Variants in GALNT13 observed in about 807,000 individuals in gnomAD.
GALNT13 encodes the protein UDP-GalNAc:polypeptide N-acetylgalactosaminyltransferase 13.
In GALNT13, 28 loss-of-function variants were observed where a neutral mutation model predicts 64.2. The ratio of observed to expected loss-of-function variants is 0.44; its 90% CI spans 0.32 to 0.60. GALNT13 has a LOEUF of 0.60. Ranked by LOEUF, GALNT13 falls within the 20% of genes least tolerant of loss-of-function variation. The pLI is 0.05. For missense variants in GALNT13, 577 were observed against 669.8 expected (o/e 0.86, Z 1.53); for synonymous variants, 214 against 224.6 (o/e 0.95, Z 0.42).
the GALNT13 span, among the ~76,000 whole-genome samples, chr2:153,292,187 AC>A: frequency 2.0e-5 from 3 of 152,144 alleles, no homozygotes; most frequent in Non-Finnish European, 2.9e-5. Context: ...AAGGATGTGA[AC>A]CATTAGCTGT....
At chr2:153,126,258 G>A in the GALNT13 span, among the ~76,000 whole-genome samples, 2 of 141,228 alleles carry the variant, frequency 1.4e-5, no homozygotes, top group Non-Finnish European at 3.0e-5. Context: ...TACTATTTTT[G>A]TAATCAAATG....
At chr2:153,446,882 A>C in the GALNT13 span, 1 of 152,216 alleles carries the variant, frequency 6.6e-6, no homozygotes. Flanking sequence ...TCATCCTAAT[A>C]GTGTATTTTA....
chr2:153,808,657 T>C, the GALNT13 span, among the ~76,000 whole-genome samples: 4 of 152,206 alleles, frequency 2.6e-5, no homozygotes, highest in Non-Finnish European at 5.9e-5. Context: ...CTACATGCTG[T>C]CTTTCAAGTT....
intron 11 of GALNT13, among the ~76,000 whole-genome samples, chr2:154,431,942 T>C (rs1256774667): frequency 6.6e-6 from 1 of 152,216 alleles, no homozygotes; most frequent in Non-Finnish European, 1.5e-5. Flanking sequence ...ATTAAACCTC[T>C]TTCCTTTATA....
chr2:153,599,957 C>T, the GALNT13 span, among the ~76,000 whole-genome samples: 1 of 152,008 alleles, frequency 6.6e-6, no homozygotes. Context: ...ATGACTCCAC[C>T]AGCCTTAATA....
At chr2:153,214,582 T>C in the GALNT13 span, among the ~76,000 whole-genome samples, 2 of 152,164 alleles carry the variant, frequency 1.3e-5, no homozygotes, top group Admixed American at 6.5e-5. Context: ...TGCTGTGTTA[T>C]GTCTTAGGCC....
the GALNT13 span, among the ~76,000 whole-genome samples, chr2:153,610,997 T>C: frequency 6.6e-6 from 1 of 152,016 alleles, no homozygotes; most frequent in Non-Finnish European, 1.5e-5. Flanking sequence ...TGTGACAAAA[T>C]AGAAAGCCTA....
At chr2:154,072,529 C>G (rs187459300) in intron 3 of GALNT13, among the ~76,000 whole-genome samples, 1 of 152,012 alleles carries the variant, frequency 6.6e-6, no homozygotes, top group Admixed American at 6.6e-5. Context: ...ATGTAACCCT[C>G]TAGCTCATAA....
At chr2:153,537,164 CT>C in the GALNT13 span, among the ~76,000 whole-genome samples, 1 of 152,176 alleles carries the variant, frequency 6.6e-6, no homozygotes, top group Non-Finnish European at 1.5e-5. Flanking sequence ...ACAGGTAGTT[CT>C]CTCTGTAAAC....
chr2:153,936,596 C>T (rs562888059), intron 2 of GALNT13, among the ~76,000 whole-genome samples: 3 of 152,260 alleles, frequency 2.0e-5, no homozygotes, highest in East Asian at 1.9e-4. Flanking sequence ...TTCTTATTCC[C>T]GCCATCCCTT....
the GALNT13 span, among the ~76,000 whole-genome samples, chr2:153,655,764 G>GA: frequency 1.8e-4 from 28 of 152,122 alleles, no homozygotes; most frequent in Non-Finnish European, 3.4e-4. Context: ...TTTCATATAA[G>GA]AAAAAATCTC....
the GALNT13 span, among the ~76,000 whole-genome samples, chr2:153,444,075 T>C: frequency 6.6e-6 from 1 of 152,216 alleles, no homozygotes; most frequent in Non-Finnish European, 1.5e-5. Flanking sequence ...TACCTACCTA[T>C]ATGTTTGTCC....
the GALNT13 span, among the ~76,000 whole-genome samples, chr2:153,290,277 C>T: frequency 6.6e-6 from 1 of 152,142 alleles, no homozygotes; most frequent in Non-Finnish European, 1.5e-5. Flanking sequence ...CCTTGAACTT[C>T]ATCCAGGCAG....
the GALNT13 span, among the ~76,000 whole-genome samples, chr2:153,345,973 T>G: frequency 6.6e-6 from 1 of 152,002 alleles, no homozygotes; most frequent in African/African-American, 2.4e-5. Flanking sequence ...TTTGTTTGTT[T>G]GTTTGTATGT....
chr2:153,784,719 G>A, the GALNT13 span, among the ~76,000 whole-genome samples: 1 of 152,172 alleles, frequency 6.6e-6, no homozygotes, highest in Non-Finnish European at 1.5e-5. Flanking sequence ...CCAGGGGGCT[G>A]CACAGTGACG....
the GALNT13 span, among the ~76,000 whole-genome samples, chr2:153,411,180 T>TATATA: frequency 1.3e-4 from 12 of 91,114 alleles, no homozygotes; most frequent in East Asian, 4.9e-4. Flanking sequence ...TATATATATA[T>TATATA]TTTTTTTTTT....
At chr2:153,825,965 A>G in the GALNT13 span, among the ~76,000 whole-genome samples, 5 of 152,174 alleles carry the variant, frequency 3.3e-5, no homozygotes, top group African/African-American at 1.2e-4. Context: ...CCTCTGCATC[A>G]GCAGCTTTCT....
chr2:153,885,453 C>T (rs1687104364), intron 1 of GALNT13, among the ~76,000 whole-genome samples: 2 of 151,284 alleles, frequency 1.3e-5, no homozygotes, highest in South Asian at 2.1e-4. Context: ...TATTTTCCCA[C>T]AGCTTAATGG....
At chr2:154,339,212 C>T (rs1223479169) in intron 9 of GALNT13, among the ~76,000 whole-genome samples, 1 of 152,036 alleles carries the variant, frequency 6.6e-6, no homozygotes, top group Non-Finnish European at 1.5e-5. Context: ...TAAAATATTT[C>T]AAAACCAAGA....
Sources: gnomAD v4.1 joint callset for allele counts (sites outside exome capture counted in the v4.1 genomes callset) on GRCh38, gnomAD v4.1.1 for gene constraint, MANE v1.5 for transcripts, NCBI Gene and HGNC (gene_info 2026-07-23, HGNC 2026-07-21) for gene names.